KIF14: variants seen among roughly 807,000 people sequenced by gnomAD.
The protein encoded by KIF14 is kinesin family member 14.
Under a neutral mutation model 176.2 loss-of-function variants are expected in KIF14, and 98 were observed. The observed-to-expected ratio is 0.56, with a 90% CI of 0.47 to 0.66. KIF14 has a LOEUF of 0.66. Ranked by LOEUF, KIF14 falls within the 30% of genes least tolerant of loss-of-function variation. The pLI, the probability that KIF14 is intolerant of heterozygous loss-of-function variation, is 0.00. For synonymous variants in KIF14, 566 were observed against 632.2 expected, an observed-to-expected ratio of 0.90 and a Z score of 1.57; for missense variants, 1,751 against 1,920.4, an observed-to-expected ratio of 0.91 and a Z score of 1.65.
chr1:200,601,120 T>C (rs1207189308), intron 11 of KIF14, among the ~76,000 whole-genome samples: 1 of 152,134 alleles, frequency 6.6e-6, no homozygotes, highest in Non-Finnish European at 1.5e-5. Context: ...TGACCTTAAG[T>C]AGTCCGCCTG....
At chr1:200,595,708 G>A (rs1230142424) in intron 14 of KIF14, among the ~76,000 whole-genome samples, 1 of 152,094 alleles carries the variant, frequency 6.6e-6, no homozygotes, top group Non-Finnish European at 1.5e-5. Context: ...CAGTACTTTG[G>A]GAGGCCAAGG....
chr1:200,591,485 C>A (rs1659048680), intron 16 of KIF14, among the ~76,000 whole-genome samples: 1 of 152,172 alleles, frequency 6.6e-6, no homozygotes, highest in African/African-American at 2.4e-5. Flanking sequence ...TTTCCCTTAT[C>A]CTTTAAGATA....
intron 27 of KIF14, among the ~76,000 whole-genome samples, chr1:200,556,440 T>C (rs1045643375): frequency 8.5e-5 from 13 of 152,212 alleles, no homozygotes; most frequent in Non-Finnish European, 1.5e-4. Context: ...CTTCTATAGG[T>C]TCTTAAAGGA....
At chr1:200,576,695 T>A (rs1459444896) in intron 21 of KIF14, among the ~76,000 whole-genome samples, 2 of 152,174 alleles carry the variant, frequency 1.3e-5, no homozygotes, top group Non-Finnish European at 2.9e-5. Context: ...AAACCCATCA[T>A]TTTCACATAA....
rs10610890 is a variant in KIF14, at chr1:200,586,790, C to CATATATATATATATATATAT, written c.3115-583_3115-564dup. Among the ~76,000 whole-genome samples the CATATATATATATATATATAT allele has an allele frequency of 7.5e-3, 954 of 127,956 alleles. 6 individuals are homozygous for CATATATATATATATATATAT. The highest frequency in any genetic ancestry group is 0.012 in the Non-Finnish European group (713 of 60,324). 83.9% of individuals were successfully genotyped at this position (127,956 alleles called of 152,430 possible). The stretch of plus-strand genomic sequence containing the variant: ...AATATGGTGTATATATATATACATA[C>CATATATATATATATATATAT]ATATATATATATATATATATATATA... On this transcript the variant is annotated intron_variant, in intron 18 of 29. Coordinates refer to ENST00000367350, the MANE Select transcript of KIF14 (RefSeq NM_014875.3).
chr1:200,605,211 A>T (rs1020934892), intron 8 of KIF14, 72 bp downstream of exon 8: 45 of 1,428,870 alleles, frequency 3.1e-5, no homozygotes, highest in African/African-American at 1.5e-4. Context: ...GGAACTTTTT[A>T]AAAAAATACC....
intron 14 of KIF14, 67 bp from the exon 15 acceptor site, chr1:200,593,836 T>C (rs1209320923): frequency 6.6e-6 from 6 of 903,378 alleles, no homozygotes; most frequent in East Asian, 4.8e-5. Flanking sequence ...AAAGGCAATA[T>C]GGGATAATTC....
At chr1:200,584,099 T>C (rs1658608942) in intron 19 of KIF14, among the ~76,000 whole-genome samples, 1 of 150,570 alleles carries the variant, frequency 6.6e-6, no homozygotes, top group Admixed American at 6.7e-5. Context: ...AAAACTGTAC[T>C]CCCAGCTACT....
intron 5 of KIF14, 70 bp downstream of exon 5, chr1:200,608,760 G>A: frequency 1.1e-6 from 1 of 914,244 alleles, no homozygotes; most frequent in Non-Finnish European, 1.8e-6. Flanking sequence ...ACCATCCAGA[G>A]AACTCAAATA....
In KIF14 at chr1:200,552,954, T is replaced by G. The variant is rs1656618895; in HGVS notation, c.*434A>C. 2 of 110,434 alleles carry G rather than the reference T, an allele frequency of 1.8e-5. No individual in the cohort carries two copies. Among genetic ancestry groups the G allele is most frequent in the Admixed American group, 1.8e-4 (2 of 11,110 alleles). The allele number at this position is 110,434 out of a possible 1,614,324, so 6.8% of individuals were successfully genotyped here. A position where few individuals can be genotyped will look rare whatever the true frequency, so the allele number is the denominator to read the frequency against. ...TTATTTATTTATTTATTTATTTATT[T>G]ATTTATTTTGACTAAGTCTCGTTCT... On this transcript the variant is annotated 3_prime_UTR_variant, in exon 30 of 30. Transcript: ENST00000367350.
chr1:200,612,950 C>T (rs564204532), intron 4 of KIF14, among the ~76,000 whole-genome samples: 35 of 139,718 alleles, frequency 2.5e-4, no homozygotes, highest in African/African-American at 7.9e-4. Flanking sequence ...TGCAGTGGCG[C>T]GATCTCGGCT....
intron 19 of KIF14, among the ~76,000 whole-genome samples, chr1:200,581,569 A>AC (rs1658455716): frequency 6.6e-6 from 1 of 152,038 alleles, no homozygotes; most frequent in South Asian, 2.1e-4. Flanking sequence ...ATCTAGAAAA[A>AC]AATTTTTTTT....
intron 5 of KIF14, among the ~76,000 whole-genome samples, chr1:200,608,353 G>A (rs1048082387): frequency 1.4e-5 from 2 of 145,620 alleles, no homozygotes; most frequent in Admixed American, 7.2e-5. Context: ...TAGTGATAAT[G>A]TTCCGCTTCT....
intron 14 of KIF14, among the ~76,000 whole-genome samples, chr1:200,597,170 C>A (rs976040120): frequency 8.6e-5 from 13 of 151,990 alleles, no homozygotes; most frequent in African/African-American, 2.9e-4. Context: ...TAAGCCACCA[C>A]GCCCAGCCAG....
intron 27 of KIF14, 55 bp from the exon 28 acceptor site, chr1:200,555,509 T>C (rs1262892768): frequency 9.6e-7 from 1 of 1,043,530 alleles, no homozygotes; most frequent in African/African-American, 1.7e-5. Context: ...AGTACAAAAA[T>C]CATAGAATTG....
At position 200,603,352 on chromosome 1, in the gene KIF14, G is replaced by GAA; in HGVS notation, c.1864-13_1864-12dup. 5 of 1,362,740 alleles carry GAA rather than the reference G, an allele frequency of 3.7e-6. No homozygotes were observed. Among genetic ancestry groups the GAA allele is most frequent in the South Asian group, 2.7e-5 (2 of 74,774 alleles). The allele number at this position is 1,362,740 out of a possible 1,614,324, so 84.4% of individuals were successfully genotyped here. On this transcript the variant is annotated splice_polypyrimidine_tract_variant and intron_variant, in intron 9 of 29. Transcript: ENST00000367350. The stretch of plus-strand genomic sequence containing the variant: ...AATACTCACACCTTCCTGCATGCAA[G>GAA]AAAAAAAAAATTTTTAACTTAAAAT...
intron 14 of KIF14, 46 bp downstream of exon 14, chr1:200,598,191 G>T: frequency 6.6e-7 from 1 of 1,508,278 alleles, no homozygotes; most frequent in South Asian, 1.2e-5. Flanking sequence ...ATGTTATCAA[G>T]ATATAGAACA....
At chr1:200,617,178 G>A (rs541436645) in intron 2 of KIF14, among the ~76,000 whole-genome samples, 11 of 152,268 alleles carry the variant, frequency 7.2e-5, no homozygotes, top group Middle Eastern at 3.4e-3. Flanking sequence ...ATATTGGCCA[G>A]GCTGGTCTCA....
chr1:200,566,660 C>T (rs1657473250), intron 23 of KIF14, among the ~76,000 whole-genome samples: 1 of 151,482 alleles, frequency 6.6e-6, no homozygotes, highest in Non-Finnish European at 1.5e-5. Context: ...TGGTTACTCA[C>T]AAGCGTGATC....
Sources: allele counts gnomAD v4.1 joint callset (sites outside exome capture counted in the v4.1 genomes callset), GRCh38; gene constraint gnomAD v4.1.1; transcripts MANE v1.5; gene names NCBI Gene and HGNC (gene_info 2026-07-23, HGNC 2026-07-21).